The following CATSPERE variants were observed in gnomAD, a reference collection of about 807,000 sequenced individuals.
CATSPERE encodes catsper channel auxiliary subunit epsilon.
CATSPERE carries 93 observed loss-of-function variants against 114.1 expected under a neutral mutation model. The observed-to-expected ratio is 0.81, with a 90% CI of 0.69 to 0.97. CATSPERE has a LOEUF of 0.97. Among genes scored for constraint, CATSPERE ranks in the 50% least tolerant of loss-of-function variants. The pLI, the probability that CATSPERE is intolerant of heterozygous loss-of-function variation, is 0.00. For missense variants in CATSPERE, 1,058 were observed against 1,131.6 expected (o/e 0.93, Z 0.93); for synonymous variants, 341 against 384.1 (o/e 0.89, Z 1.31).
At chr1:244,553,491 G>A (rs527243491) in intron 9 of CATSPERE, among the ~76,000 whole-genome samples, 39 of 150,296 alleles carry the variant, frequency 2.6e-4, no homozygotes, top group South Asian at 6.4e-4. Flanking sequence ...TGAGGTGGGA[G>A]AATGGCGTGA....
intron 9 of CATSPERE, among the ~76,000 whole-genome samples, chr1:244,557,181 G>A (rs58047482): frequency 0.13 from 20,241 of 151,758 alleles, 2,444 homozygotes; most frequent in African/African-American, 0.32. Flanking sequence ...GTTCTTCTTC[G>A]AGATTGCTTT....
rs1677022410 is a variant in CATSPERE at position 244,518,643 on chromosome 1, A to G, written c.481A>G (p.Ile161Val). 2 of 1,602,580 alleles carry G rather than the reference A, an allele frequency of 1.2e-6. No homozygotes were observed. The highest frequency in any genetic ancestry group is 8.5e-7 in the Non-Finnish European group (1 of 1,172,320). Reference sequence around the variant, plus strand: ...GGCCACATTGGGACAGAAGCCTGTCATACATACAGTTCTGAAGAGAAAAGT... The same window carrying G: ...GGCCACATTGGGACAGAAGCCTGTCGTACATACAGTTCTGAAGAGAAAAGT... Reference protein sequence around the residue: ...QMATLGQKPVIHTVLKRKVYS... With the variant: ...QMATLGQKPVVHTVLKRKVYS... The change falls in exon 8 of 22, where the codon ATA becomes GTA. Residue 161 changes from isoleucine to valine, a missense_variant. Transcript: ENST00000366534.
chr1:244,639,152 G>A (rs1675013700), intron 21 of CATSPERE, among the ~76,000 whole-genome samples: 1 of 152,216 alleles, frequency 6.6e-6, no homozygotes, highest in Admixed American at 6.5e-5. Flanking sequence ...TACTGAAGGA[G>A]CTGCAGTTCC....
intron 8 of CATSPERE, among the ~76,000 whole-genome samples, chr1:244,527,612 T>G (rs1572576425): frequency 6.6e-6 from 1 of 152,228 alleles, no homozygotes; most frequent in East Asian, 1.9e-4. Flanking sequence ...GATTAAGAGA[T>G]TAAAATAAAG....
In CATSPERE at chr1:244,607,727, A is replaced by C. The variant is rs555665310; in HGVS notation, c.2403+1933A>C. Among the ~76,000 whole-genome samples, 19 of 152,330 alleles carry C rather than the reference A, an allele frequency of 1.2e-4. No homozygotes were observed. The highest frequency in any genetic ancestry group is 4.6e-4 in the African/African-American group (19 of 41,582). Reference sequence around the variant, plus strand: ...ATGCAAGGAGCCACTACACATTTTTAAAAGCCTTGGTTCCTAATTCACTGC... The same window carrying C: ...ATGCAAGGAGCCACTACACATTTTTCAAAGCCTTGGTTCCTAATTCACTGC... On this transcript the variant is annotated intron_variant, in intron 18 of 21. Transcript: ENST00000366534. The surrounding 1 kb of genome is among the most constrained non-coding windows in gnomAD (Gnocchi z 4.4).
chr1:244,553,806 C>G (rs1004570014), intron 9 of CATSPERE, among the ~76,000 whole-genome samples: 3 of 151,982 alleles, frequency 2.0e-5, no homozygotes, highest in Non-Finnish European at 4.4e-5. Context: ...ATTAACCAGC[C>G]TCTCTTTATA....
chr1:244,528,789 A>ACACGCGCG (rs775873171), intron 8 of CATSPERE, among the ~76,000 whole-genome samples: 6 of 129,312 alleles, frequency 4.6e-5, no homozygotes, highest in African/African-American at 2.2e-4. Flanking sequence ...CCCCCACCAC[A>ACACGCGCG]CACACACACA....
At chr1:244,594,087 G>A (rs1323186535) in intron 17 of CATSPERE, among the ~76,000 whole-genome samples, 1 of 152,220 alleles carries the variant, frequency 6.6e-6, no homozygotes, top group Non-Finnish European at 1.5e-5. Context: ...TTGGGAGGCT[G>A]AGGCAGAGGA....
intron 17 of CATSPERE, among the ~76,000 whole-genome samples, chr1:244,594,436 C>A (rs991260964): frequency 6.6e-6 from 1 of 152,106 alleles, no homozygotes; most frequent in South Asian, 2.1e-4. Context: ...TTCTTTTATT[C>A]TTGGCTTATT....
intron 6 of CATSPERE, among the ~76,000 whole-genome samples, chr1:244,495,612 T>G (rs1262880321): frequency 6.6e-5 from 10 of 152,122 alleles, no homozygotes; most frequent in Middle Eastern, 3.4e-3. Flanking sequence ...TCCCAGCTAC[T>G]CGGGAGGCTG....
intron 20 of CATSPERE, among the ~76,000 whole-genome samples, chr1:244,629,580 C>G (rs1409642728): frequency 2.1e-5 from 3 of 140,082 alleles, no homozygotes; most frequent in African/African-American, 8.0e-5. Context: ...CTCCTTGCCT[C>G]AATCAATCCT....
chr1:244,498,099 A>G (rs1673407044), intron 6 of CATSPERE, among the ~76,000 whole-genome samples: 1 of 152,216 alleles, frequency 6.6e-6, no homozygotes, highest in African/African-American at 2.4e-5. Context: ...ACTGATTATA[A>G]TGGCAAGGGA....
chr1:244,490,042 G>C (rs1236983358), intron 5 of CATSPERE, among the ~76,000 whole-genome samples: 1 of 152,196 alleles, frequency 6.6e-6, no homozygotes, highest in Non-Finnish European at 1.5e-5. Context: ...GTGTGAGGAT[G>C]AACAGGAGAG....
At chr1:244,541,949 T>C (rs1246602301) in intron 8 of CATSPERE, among the ~76,000 whole-genome samples, 6 of 135,406 alleles carry the variant, frequency 4.4e-5, no homozygotes, top group African/African-American at 1.1e-4. Flanking sequence ...TAGGTGGGAA[T>C]TGAACAATGA....
intron 5 of CATSPERE, among the ~76,000 whole-genome samples, chr1:244,481,031 G>A (rs1242434544): frequency 3.3e-5 from 5 of 152,056 alleles, no homozygotes; most frequent in Non-Finnish European, 7.4e-5. Flanking sequence ...TCCCAGCTAC[G>A]CAGGAGGCTG....
At chr1:244,604,865 A>G (rs116537091) in intron 17 of CATSPERE, among the ~76,000 whole-genome samples, 259 of 152,280 alleles carry the variant, frequency 1.7e-3, no homozygotes, top group African/African-American at 5.8e-3. Context: ...GCTCTTTTGA[A>G]CACTTACTGA....
intron 8 of CATSPERE, among the ~76,000 whole-genome samples, chr1:244,527,031 A>T (rs1558432413): frequency 6.6e-6 from 1 of 152,182 alleles, no homozygotes; most frequent in Non-Finnish European, 1.5e-5. Context: ...AAATGGAGGC[A>T]GAGTGAGATC....
chr1:244,513,687 G>A (rs939105958), intron 7 of CATSPERE, among the ~76,000 whole-genome samples: 1 of 152,132 alleles, frequency 6.6e-6, no homozygotes, highest in Non-Finnish European at 1.5e-5. Context: ...TGGGGCACTG[G>A]TAGTGGTGGT....
At position 244,560,946 on chromosome 1, in the gene CATSPERE, T is replaced by C; in HGVS notation, c.1308T>C (p.Phe436=). Residue 436 remains phenylalanine, a synonymous_variant, in exon 10 of 22, where the codon TTT becomes TTC. Transcript: ENST00000366534. ...EDTKQWVSQD[F]TLDAPIDSVT... ...CAAAACAGTGGGTTTCCCAAGACTT[T>C]ACATTAGATGCCCCTATTGACAGTG... is the stretch of plus-strand genomic sequence containing the variant. 6.2e-7 allele frequency: 1 copy of C among 1,614,138 alleles called. No individual in the cohort carries two copies. Among genetic ancestry groups the C allele is most frequent in the Non-Finnish European group, 8.5e-7 (1 of 1,179,994 alleles).
Sources: gnomAD v4.1 joint callset for allele counts (sites outside exome capture counted in the v4.1 genomes callset) on GRCh38, gnomAD v4.1.1 for gene constraint, Gnocchi (gnomAD v3.1) non-coding constraint, MANE v1.5 for transcripts, NCBI Gene and HGNC (gene_info 2026-07-23, HGNC 2026-07-21) for gene names.